The following NOC4L variants were observed in gnomAD, a reference collection of about 807,000 sequenced individuals.
The protein encoded by NOC4L is nucleolar complex protein 4 homolog.
NOC4L carries 40 observed loss-of-function variants against 62.8 expected under a neutral mutation model. The observed-to-expected ratio is 0.64, with a 90% confidence interval of 0.49 to 0.83. The LOEUF is 0.83. Among genes scored for constraint, NOC4L ranks in the 40% least tolerant of loss-of-function variants. NOC4L has a pLI of 0.00. For synonymous variants in NOC4L, 433 were observed against 299.8 expected (o/e 1.44, Z -4.59); for missense variants, 927 against 701.9 (o/e 1.32, Z -3.62).
At position 132,144,979 on chromosome 12, in the gene NOC4L, G is replaced by A. The variant is rs1426640379; in HGVS notation, c.238+5G>A. 1 of 1,592,014 alleles carries A rather than the reference G, an allele frequency of 6.3e-7. No homozygotes were observed. ...CTGAGGAGATGGTCATGACAGGTGA[G>A]CCCTGGAGGGCCCCGGGGCTGCTCT... On this transcript the variant is annotated splice_donor_5th_base_variant and intron_variant, in intron 2 of 14. Transcript: ENST00000330579.
chr12:132,151,401 C>T (rs371099234), intron 11 of NOC4L, 33 bp downstream of exon 11: 2 of 1,604,126 alleles, frequency 1.2e-6, no homozygotes, highest in Non-Finnish European at 8.5e-7. Context: ...CTGCCCTGCT[C>T]TGTGCGGCTG....
At chr12:132,147,558 GGGC>G in intron 4 of NOC4L, 72 bp from the exon 5 acceptor site, 1 of 1,561,472 alleles carries the variant, frequency 6.4e-7, no homozygotes, top group East Asian at 2.3e-5. Context: ...GGGCTCGATG[GGGC>G]AGGGCTGCCT....
chr12:132,148,769 C>A lies in NOC4L; in HGVS notation c.790-15C>A. The A allele has an allele frequency of 6.7e-7, 1 of 1,489,498 alleles. No homozygotes were observed. The highest frequency in any genetic ancestry group is 9.1e-7 in the Non-Finnish European group (1 of 1,103,442). The allele number at this position is 1,489,498 out of a possible 1,614,324, so 92.3% of individuals were successfully genotyped here. A position where few individuals can be genotyped will look rare whatever the true frequency, so the allele number is the denominator to read the frequency against. ...CCCACCCGCCCCTCACCCCCACCTG[C>A]CGGCCCCCGCCCAGCTGCCCCTCAG... On this transcript the variant is annotated splice_polypyrimidine_tract_variant and intron_variant, in intron 8 of 14. Transcript: ENST00000330579.
At chr12:132,146,146 C>T in intron 3 of NOC4L, 1 of 431,456 alleles carries the variant, frequency 2.3e-6, no homozygotes, top group Admixed American at 2.4e-5. Flanking sequence ...CAGTTACCAT[C>T]GCTTCCATAT....
intron 3 of NOC4L, chr12:132,146,188 C>T (rs1897714998): frequency 2.2e-6 from 1 of 448,142 alleles, no homozygotes; most frequent in African/African-American, 2.0e-5. Context: ...CCCCAGGCAG[C>T]CACTCCTGGA....
chr12:132,144,716 G>A, intron 1 of NOC4L, 111 bp downstream of exon 1: 1 of 1,462,370 alleles, frequency 6.8e-7, no homozygotes, highest in Non-Finnish European at 9.1e-7. Flanking sequence ...GGGGGGTCAG[G>A]GTGGGAGGCG....
chr12:132,148,949 GCCGCC>G, intron 9 of NOC4L, 54 bp downstream of exon 9: 2 of 375,612 alleles, frequency 5.3e-6, no homozygotes, highest in East Asian at 3.7e-5. Flanking sequence ...GGTGAGTGCC[GCCGCC>G]TCACTCCTAC....
intron 3 of NOC4L, chr12:132,146,334 C>T (rs567380843): frequency 5.5e-5 from 25 of 456,066 alleles, no homozygotes; most frequent in African/African-American, 4.8e-4. Flanking sequence ...AGCAGCGCGT[C>T]GTATAGCACA....
At position 132,147,051 on chromosome 12, in the gene NOC4L, ACT is replaced by A. The variant is rs772706331; in HGVS notation, c.346-227_346-226del. Among the ~76,000 whole-genome samples, 118 of 152,068 alleles carry A rather than the reference ACT, an allele frequency of 7.8e-4. 2 individuals carry two copies. Among genetic ancestry groups the A allele is most frequent in the South Asian group, 2.1e-4 (1 of 4,826 alleles). ...GGGCTGTGTACCCTTCCCCCGCCAG[ACT>A]CTGTCGTGAGCACTGGATCTCTTTA... On this transcript the variant is annotated intron_variant, in intron 3 of 14. Transcript: ENST00000330579.
In NOC4L at chr12:132,147,956, C is replaced by G. The variant is rs1171633950; in HGVS notation, c.680C>G (p.Ser227Cys). 6.2e-7 allele frequency: 1 copy of G among 1,609,834 alleles called. No homozygotes were observed. Among genetic ancestry groups the G allele is most frequent in the Non-Finnish European group, 8.5e-7 (1 of 1,178,576 alleles). Residue 227 changes from serine to cysteine, a missense_variant, in exon 6 of 15, where the codon TCC becomes TGC. By Grantham distance (112) the Ser-to-Cys change is moderately radical. Coordinates refer to ENST00000330579, the MANE Select transcript of NOC4L (RefSeq NM_024078.3). Reference sequence around the variant, plus strand: ...CTGCCCCGCCGGGAGCCCACCGTCTCCAGCTTCTATGTGAAGCGGGCGGGT... The same window carrying G: ...CTGCCCCGCCGGGAGCCCACCGTCTGCAGCTTCTATGTGAAGCGGGCGGGT... The part of the protein sequence containing the change: ...VSLPRREPTV[S>C]SFYVKRAELW...
chr12:132,151,400 T>C (rs201485466), intron 11 of NOC4L, 32 bp downstream of exon 11: 3 of 1,604,342 alleles, frequency 1.9e-6, no homozygotes, highest in East Asian at 2.2e-5. Flanking sequence ...TCTGCCCTGC[T>C]CTGTGCGGCT....
intron 3 of NOC4L, among the ~76,000 whole-genome samples, chr12:132,146,636 G>A (rs1897738496): frequency 6.6e-6 from 1 of 152,114 alleles, no homozygotes; most frequent in Non-Finnish European, 1.5e-5. Flanking sequence ...TATAATTATA[G>A]CCGAGCTGCA....
At position 132,147,271 on chromosome 12, in the gene NOC4L, C is replaced by T. The variant is rs1396154374; in HGVS notation, c.346-10C>T. The T allele has an allele frequency of 4.0e-6, 6 of 1,518,388 alleles. 1 individual carries two copies. Among genetic ancestry groups the T allele is most frequent in the South Asian group, 3.8e-5 (3 of 79,344 alleles). 94.1% of individuals were successfully genotyped at this position (1,518,388 alleles called of 1,614,324 possible). Reference sequence around the variant, plus strand: ...GGCATCACAGCCACCCTGCACTGCCCCCTTCCCAGGAGCTGGCCCTCAGCG... The same window carrying T: ...GGCATCACAGCCACCCTGCACTGCCTCCTTCCCAGGAGCTGGCCCTCAGCG... On this transcript the variant is annotated splice_polypyrimidine_tract_variant and intron_variant, in intron 3 of 14. Coordinates refer to ENST00000330579, the MANE Select transcript of NOC4L (RefSeq NM_024078.3).
In NOC4L at chr12:132,150,967, C is replaced by G. The variant is rs775589095; in HGVS notation, c.902-14C>G. ...AGGTCACTGCAGCTCCAGCCTGTGT[C>G]TGTCTGTCTGCAGGGGGGGCCCTCA... is the stretch of plus-strand genomic sequence containing the variant. On this transcript the variant is annotated splice_polypyrimidine_tract_variant and intron_variant, in intron 9 of 14. Coordinates refer to ENST00000330579, the MANE Select transcript of NOC4L (RefSeq NM_024078.3). The G allele has an allele frequency of 8.1e-6, 13 of 1,597,022 alleles. No homozygotes were observed. The highest frequency in any genetic ancestry group is 1.7e-5 in the Admixed American group (1 of 59,024).
In NOC4L at chr12:132,145,943, G is replaced by A. The variant is rs563865218; in HGVS notation, c.345+278G>A. On this transcript the variant is annotated intron_variant, in intron 3 of 14. Coordinates refer to ENST00000330579, the MANE Select transcript of NOC4L (RefSeq NM_024078.3). ...ACACCAAGCCTCGTGCCAGTCCACA[G>A]ATGTGTTTGCTCAGATCACACTGTG... 2.0e-4 allele frequency among the ~76,000 whole-genome samples: 30 copies of A among 152,346 alleles called. 1 individual carries two copies. Among genetic ancestry groups the A allele is most frequent in the Admixed American group, 1.6e-3 (25 of 15,304 alleles).
At chr12:132,148,732 C>CCCCCCCGGGGGGGGGGGGGGGGGG in intron 8 of NOC4L, 52 bp from the exon 9 acceptor site, 1 of 1,305,542 alleles carries the variant, frequency 7.7e-7, no homozygotes, top group Non-Finnish European at 1.0e-6. Context: ...CACCCCGACC[C>CCCCCCCGGGGGGGGGGGGGGGGGG]GCCGGCCCCC....
Position 132,152,086 on chromosome 12 carries a change from C to T in NOC4L, c.1320C>T (p.Ala440=), listed in dbSNP as rs771941255. Residue 440 remains alanine (A), a splice_region_variant and synonymous_variant, in exon 14 of 15, where the codon GCC becomes GCT. Transcript: ENST00000330579. ...TCTTAACGGCCCTACTGCCCCAGGCCCTCCAGCGCCACTACCACCCTGAGG... is the reference window on the plus strand; with the variant it reads ...TCTTAACGGCCCTACTGCCCCAGGCTCTCCAGCGCCACTACCACCCTGAGG... ...ALESSLWELQ[A]LQRHYHPEVS... The T allele has an allele frequency of 1.9e-6, 3 of 1,610,572 alleles. No homozygotes were observed. The highest frequency in any genetic ancestry group is 2.2e-5 in the East Asian group (1 of 44,852).
rs376237369 is a variant in NOC4L at position 132,148,583 on chromosome 12, C to T, written c.739-26C>T. 130 of 1,546,190 alleles carry T rather than the reference C, an allele frequency of 8.4e-5. No individual in the cohort carries two copies. In the East Asian group the frequency reaches 9.4e-4, roughly 11 times the overall value. On this transcript the variant is annotated intron_variant, in intron 7 of 14. Transcript: ENST00000330579. ...CTCTGGTCTGGGGTGGGGAGGGCGG[C>T]GAGTGCAGTCTGGACCCCGTTGCAG...
chr12:132,148,759 C>T (rs1407516138), intron 8 of NOC4L, 25 bp from the exon 9 acceptor site: 1 of 1,356,282 alleles, frequency 7.4e-7, no homozygotes, highest in Middle Eastern at 2.5e-4. Flanking sequence ...CCGCCCCTCA[C>T]CCCCACCTGC....
Sources: allele counts gnomAD v4.1 joint callset (sites outside exome capture counted in the v4.1 genomes callset), GRCh38; gene constraint gnomAD v4.1.1; transcripts MANE v1.5; gene names NCBI Gene and HGNC (gene_info 2026-07-23, HGNC 2026-07-21).